SEL1L2: variants seen among roughly 807,000 people sequenced by gnomAD.
SEL1L2 encodes SEL1L2 adaptor subunit of SYVN1 ubiquitin ligase.
In SEL1L2, 89 loss-of-function variants were observed where a neutral mutation model predicts 98.8. The ratio of observed to expected loss-of-function variants is 0.90; its 90% CI spans 0.76 to 1.07. SEL1L2 has a LOEUF of 1.07. Among genes scored for constraint, SEL1L2 ranks in the 50% least tolerant of loss-of-function variants. The probability of loss-of-function intolerance (pLI) is 0.00; values close to 1 mark genes in which losing one functional copy is unlikely to be tolerated. For missense variants in SEL1L2, 788 were observed against 812.0 expected (o/e 0.97, Z 0.36); for synonymous variants, 262 against 278.5 (o/e 0.94, Z 0.59).
intron 12 of SEL1L2, among the ~76,000 whole-genome samples, chr20:13,874,043 G>A (rs918374847): frequency 2.4e-4 from 36 of 152,260 alleles, no homozygotes; most frequent in African/African-American, 7.0e-4. Context: ...ATTGGGCTCC[G>A]CTCTGGGGAT....
intron 13 of SEL1L2, 56 bp downstream of exon 13, chr20:13,870,085 G>A (rs1041278545): frequency 2.4e-6 from 3 of 1,273,548 alleles, no homozygotes; most frequent in Non-Finnish European, 3.4e-6. Flanking sequence ...GAATGACCAT[G>A]AATTTTACCC....
intron 3 of SEL1L2, among the ~76,000 whole-genome samples, chr20:13,926,064 A>G (rs1161160183): frequency 6.6e-6 from 1 of 152,216 alleles, no homozygotes; most frequent in Non-Finnish European, 1.5e-5. Context: ...CACGCCTGTA[A>G]TCCCAGCGCT....
chr20:13,910,002 C>A (rs1427826597), intron 5 of SEL1L2, among the ~76,000 whole-genome samples: 2 of 152,052 alleles, frequency 1.3e-5, no homozygotes, highest in African/African-American at 4.8e-5. Flanking sequence ...CCAAAACAAA[C>A]AACAACAACA....
In SEL1L2 at chr20:13,888,454, T is replaced by C; in HGVS notation, c.603+5A>G. On this transcript the variant is annotated splice_donor_5th_base_variant and intron_variant, in intron 6 of 19. Coordinates refer to ENST00000284951, the MANE Select transcript of SEL1L2 (RefSeq NM_025229.2). ...TGTTCCAGAATAAAACAGAATGATC[T>C]TTACCTTAGCTTGATCATATTCCAT... is the stretch of plus-strand genomic sequence containing the variant. 3 of 1,541,344 alleles carry C rather than the reference T, an allele frequency of 1.9e-6. No homozygotes were observed. The highest frequency in any genetic ancestry group is 2.7e-6 in the Non-Finnish European group (3 of 1,122,764).
rs1409577074 is a variant in SEL1L2 at position 13,887,548 on chromosome 20, A to G, written c.745+221T>C. 3.3e-5 allele frequency among the ~76,000 whole-genome samples: 5 copies of G among 152,224 alleles called. No homozygotes were observed. In the South Asian group the frequency reaches 1.0e-3, roughly 32 times the overall value. On this transcript the variant is annotated intron_variant, in intron 8 of 19. Coordinates refer to ENST00000284951, the MANE Select transcript of SEL1L2 (RefSeq NM_025229.2). ...AAAACAGAATTGTTTGGGGATACATATTAACAAAAATAAAAAATGAGTATA... is the reference window on the plus strand; with the variant it reads ...AAAACAGAATTGTTTGGGGATACATGTTAACAAAAATAAAAAATGAGTATA...
intron 2 of SEL1L2, among the ~76,000 whole-genome samples, chr20:13,934,964 C>G (rs112633765): frequency 2.4e-4 from 37 of 152,216 alleles, no homozygotes; most frequent in African/African-American, 6.3e-4. Flanking sequence ...ATCCTGCACT[C>G]TCTAGTATAG....
rs369039772 is a variant in SEL1L2 at position 13,895,610 on chromosome 20, A to G, written c.550-7098T>C. 3.0e-4 allele frequency among the ~76,000 whole-genome samples: 45 copies of G among 152,318 alleles called. 1 individual carries two copies. Among genetic ancestry groups the G allele is most frequent in the South Asian group, 1.9e-3 (9 of 4,830 alleles). ...AGAAGGAAATTGCCTCAACATAATA[A>G]AAGGCCGTATATAAAAGCTTACAGC... On this transcript the variant is annotated intron_variant, in intron 5 of 19. Coordinates refer to ENST00000284951, the MANE Select transcript of SEL1L2 (RefSeq NM_025229.2).
intron 1 of SEL1L2, among the ~76,000 whole-genome samples, chr20:13,968,201 T>G (rs1364093639): frequency 2.0e-5 from 3 of 152,244 alleles, no homozygotes; most frequent in Non-Finnish European, 1.5e-5. Flanking sequence ...TTTTCTGGAA[T>G]AGTTCCGTTA....
At chr20:13,869,191 T>C (rs2046068246) in intron 14 of SEL1L2, among the ~76,000 whole-genome samples, 1 of 152,138 alleles carries the variant, frequency 6.6e-6, no homozygotes, top group Non-Finnish European at 1.5e-5. Flanking sequence ...TGCGTGCTGA[T>C]GCCTCTCGAA....
intron 2 of SEL1L2, among the ~76,000 whole-genome samples, chr20:13,934,422 TATATATATTCC>T (rs1349181362): frequency 2.9e-4 from 37 of 125,532 alleles, no homozygotes; most frequent in Non-Finnish European, 3.6e-4. Context: ...ATATTCCATA[TATATATATTCC>T]ATATATATAT....
At chr20:13,884,668 C>T (rs529832443) in intron 10 of SEL1L2, among the ~76,000 whole-genome samples, 205 of 151,834 alleles carry the variant, frequency 1.4e-3, no homozygotes, top group African/African-American at 4.5e-3. Flanking sequence ...CCACCACGCC[C>T]GGCTAATTTT....
At chr20:13,942,607 A>C (rs2049831013) in intron 2 of SEL1L2, among the ~76,000 whole-genome samples, 2 of 152,100 alleles carry the variant, frequency 1.3e-5, no homozygotes, top group African/African-American at 4.8e-5. Context: ...CATGAGAGTG[A>C]AATTGAAGTC....
intron 5 of SEL1L2, among the ~76,000 whole-genome samples, chr20:13,908,917 C>A (rs2048097057): frequency 1.3e-5 from 2 of 151,850 alleles, no homozygotes; most frequent in African/African-American, 4.8e-5. Context: ...GCATTTCTTC[C>A]CTTCTATCTC....
At chr20:13,886,020 G>C (rs138903648) in intron 9 of SEL1L2, among the ~76,000 whole-genome samples, 1,621 of 150,844 alleles carry the variant, frequency 0.011, 38 homozygotes, top group African/African-American at 0.036. Flanking sequence ...CCGGGCGACA[G>C]AGTGAGACTC....
intron 1 of SEL1L2, among the ~76,000 whole-genome samples, chr20:13,983,040 A>AAAAAAAAAAAAAAAAAAAAAAAAAC (rs2051930616): frequency 7.0e-6 from 1 of 142,688 alleles, no homozygotes; most frequent in African/African-American, 2.6e-5. Context: ...AAAAAAAAAA[A>AAAAAAAAAAAAAAAAAAAAAAAAAC]AAAAAAAAGC....
intron 5 of SEL1L2, among the ~76,000 whole-genome samples, chr20:13,901,807 G>T (rs2047695695): frequency 6.6e-6 from 1 of 151,626 alleles, no homozygotes; most frequent in Non-Finnish European, 1.5e-5. Flanking sequence ...GATTATAGGC[G>T]CCCGCCACCA....
chr20:13,866,688 C>A lies in SEL1L2; in HGVS notation c.1404+14G>T. The stretch of plus-strand genomic sequence containing the variant: ...ATGACAAGTGCTTTAAAAACAGCCG[C>A]ATATTATATTTACCTCCACAGCAGT... On this transcript the variant is annotated intron_variant, in intron 15 of 19. Transcript: ENST00000284951. The A allele has an allele frequency of 6.5e-7, 1 of 1,534,690 alleles. No individual in the cohort carries two copies. Among genetic ancestry groups the A allele is most frequent in the Non-Finnish European group, 8.7e-7 (1 of 1,145,202 alleles).
chr20:13,901,133 C>T (rs1347657445), intron 5 of SEL1L2, among the ~76,000 whole-genome samples: 1 of 146,252 alleles, frequency 6.8e-6, no homozygotes, highest in Non-Finnish European at 1.5e-5. Flanking sequence ...TGCAGTGGCG[C>T]GATCTCGGCT....
At chr20:13,889,883 A>G (rs1287436497) in intron 5 of SEL1L2, among the ~76,000 whole-genome samples, 2 of 152,262 alleles carry the variant, frequency 1.3e-5, no homozygotes, top group Non-Finnish European at 2.9e-5. Context: ...TTCAAACAAT[A>G]ACAAATATAC....
Sources: allele counts gnomAD v4.1 joint callset (sites outside exome capture counted in the v4.1 genomes callset), GRCh38; gene constraint gnomAD v4.1.1; transcripts MANE v1.5; gene names NCBI Gene and HGNC (gene_info 2026-07-23, HGNC 2026-07-21).